Variants in NAALADL2 observed in about 807,000 individuals in gnomAD.
NAALADL2 encodes N-acetylated alpha-linked acidic dipeptidase like 2.
In NAALADL2, 76 loss-of-function variants were observed where a neutral mutation model predicts 87.2. The observed-to-expected ratio is 0.87, with a 90% CI of 0.72 to 1.05. The LOEUF is 1.05. Among genes scored for constraint, NAALADL2 ranks in the 50% least tolerant of loss-of-function variants. The probability of loss-of-function intolerance (pLI) is 0.00; values close to 1 mark genes in which losing one functional copy is unlikely to be tolerated. For missense variants in NAALADL2, 1,089 were observed against 945.8 expected (o/e 1.15, Z -1.99); for synonymous variants, 354 against 331.0 (o/e 1.07, Z -0.75).
intron 2 of NAALADL2, among the ~76,000 whole-genome samples, chr3:174,606,189 C>T (rs748186267): frequency 3.2e-4 from 49 of 152,076 alleles, no homozygotes; most frequent in Admixed American, 2.9e-3. Flanking sequence ...TCATCAAAGA[C>T]CGAAAGTAGA....
chr3:175,148,696 G>C (rs1378642908), intron 2 of NAALADL2, among the ~76,000 whole-genome samples: 1 of 152,050 alleles, frequency 6.6e-6, no homozygotes, highest in Admixed American at 6.6e-5. Flanking sequence ...TTATTAAATC[G>C]GGAGTCCTTT....
chr3:175,144,440 A>G (rs1229286329), intron 2 of NAALADL2, among the ~76,000 whole-genome samples: 1 of 151,946 alleles, frequency 6.6e-6, no homozygotes, highest in South Asian at 2.1e-4. Context: ...AGTTAAGTTG[A>G]GTTTTGTGTT....
intron 11 of NAALADL2, among the ~76,000 whole-genome samples, chr3:175,651,904 G>A (rs1730813629): frequency 6.6e-6 from 1 of 152,158 alleles, no homozygotes; most frequent in Non-Finnish European, 1.5e-5. Flanking sequence ...AAACGAAAAC[G>A]AAAGAAAAGC....
chr3:175,768,269 T>G (rs1434353275), intron 13 of NAALADL2, among the ~76,000 whole-genome samples: 1 of 152,164 alleles, frequency 6.6e-6, no homozygotes, highest in Non-Finnish European at 1.5e-5. Context: ...CACAATACCT[T>G]ATGTAATAAT....
chr3:174,441,438 A>T (rs931475051), intron 1 of NAALADL2, among the ~76,000 whole-genome samples: 1 of 152,076 alleles, frequency 6.6e-6, no homozygotes, highest in African/African-American at 2.4e-5. Context: ...CACGCCGGCC[A>T]GGCAGCCCGA....
At chr3:175,062,980 T>G (rs1713824578) in intron 1 of NAALADL2, among the ~76,000 whole-genome samples, 1 of 152,180 alleles carries the variant, frequency 6.6e-6, no homozygotes, top group East Asian at 1.9e-4. Flanking sequence ...CTAAATAAAT[T>G]TTTTACTTGT....
intron 9 of NAALADL2, among the ~76,000 whole-genome samples, chr3:175,478,927 A>C (rs1726077928): frequency 6.6e-6 from 1 of 151,850 alleles, no homozygotes; most frequent in Admixed American, 6.6e-5. Context: ...TGGGTTAAAA[A>C]CCTATCATTA....
At chr3:175,026,082 A>C (rs145728215) in intron 1 of NAALADL2, among the ~76,000 whole-genome samples, 373 of 152,272 alleles carry the variant, frequency 2.4e-3, no homozygotes, top group African/African-American at 8.3e-3. Context: ...AAATGCTGGA[A>C]TTACAGGCAT....
At chr3:175,383,121 G>A (rs909247842) in intron 5 of NAALADL2, among the ~76,000 whole-genome samples, 3 of 151,924 alleles carry the variant, frequency 2.0e-5, no homozygotes, top group Non-Finnish European at 4.4e-5. Flanking sequence ...AATGTGTAAT[G>A]ATCACATAAG....
intron 9 of NAALADL2, among the ~76,000 whole-genome samples, chr3:175,555,551 A>C (rs1715128289): frequency 6.6e-6 from 1 of 152,212 alleles, no homozygotes; most frequent in Admixed American, 6.5e-5. Flanking sequence ...ACCCAACTGT[A>C]TCACAAGCTC....
chr3:175,786,321 A>G (rs376162391), intron 13 of NAALADL2, among the ~76,000 whole-genome samples: 1 of 152,138 alleles, frequency 6.6e-6, no homozygotes, highest in Non-Finnish European at 1.5e-5. Flanking sequence ...CATTCTCCCC[A>G]TCACTTTCAG....
chr3:175,303,726 T>C (rs1306532539), intron 4 of NAALADL2, among the ~76,000 whole-genome samples: 1 of 152,226 alleles, frequency 6.6e-6, no homozygotes, highest in African/African-American at 2.4e-5. Context: ...AACTAAATAA[T>C]AACCATGATT....
chr3:175,144,480 C>G (rs1420445157), intron 2 of NAALADL2, among the ~76,000 whole-genome samples: 2 of 151,876 alleles, frequency 1.3e-5, no homozygotes, highest in Admixed American at 6.6e-5. Context: ...AAAAGTAATA[C>G]AGTCTAAAGT....
intron 5 of NAALADL2, among the ~76,000 whole-genome samples, chr3:175,338,198 A>G (rs1260323282): frequency 6.6e-6 from 1 of 152,142 alleles, no homozygotes; most frequent in Non-Finnish European, 1.5e-5. Context: ...GAGAGCTGGG[A>G]GTGAAATCGC....
intron 11 of NAALADL2, among the ~76,000 whole-genome samples, chr3:175,691,025 T>C (rs924153972): frequency 2.6e-5 from 4 of 151,788 alleles, no homozygotes; most frequent in African/African-American, 9.7e-5. Flanking sequence ...CCTTTATTAC[T>C]TGTAGTTGAA....
chr3:175,077,943 T>C (rs1716937147), intron 1 of NAALADL2, among the ~76,000 whole-genome samples: 1 of 152,168 alleles, frequency 6.6e-6, no homozygotes, highest in Admixed American at 6.5e-5. Context: ...ACACCATTTT[T>C]GCTCTAGCCT....
intron 2 of NAALADL2, among the ~76,000 whole-genome samples, chr3:174,626,488 T>C (rs893586855): frequency 6.6e-6 from 1 of 152,084 alleles, no homozygotes; most frequent in Non-Finnish European, 1.5e-5. Context: ...CACCTTTTGG[T>C]TTACAAGAGT....
Position 175,467,042 on chromosome 3 carries a change from C to T in NAALADL2, c.1391C>T (p.Ala464Val), listed in dbSNP as rs1458498943. ...TAHSYNGQEW[A>V]SSTAIITAFI... is the part of the protein sequence containing the mutation. Reference sequence around the variant, plus strand: ...CACAGTTATAATGGACAAGAATGGGCCAGTAGTACTGCAATAATCACAGCG... The same window carrying T: ...CACAGTTATAATGGACAAGAATGGGTCAGTAGTACTGCAATAATCACAGCG... The change falls in exon 8 of 14, where the codon GCC (alanine) becomes GTC (valine). Residue 464 changes from alanine to valine, a missense_variant. Transcript: ENST00000454872. 2.5e-6 allele frequency: 4 copies of T among 1,613,698 alleles called. No individual in the cohort carries two copies. The highest frequency in any genetic ancestry group is 3.4e-6 in the Non-Finnish European group (4 of 1,179,734).
intron 13 of NAALADL2, among the ~76,000 whole-genome samples, chr3:175,778,627 A>C (rs115473301): frequency 1.1e-4 from 17 of 152,320 alleles, no homozygotes; most frequent in African/African-American, 4.1e-4. Flanking sequence ...TTTATTGTAT[A>C]TGTCAGACAC....
Sources: allele counts gnomAD v4.1 joint callset (sites outside exome capture counted in the v4.1 genomes callset), GRCh38; gene constraint gnomAD v4.1.1; transcripts MANE v1.5; gene names NCBI Gene and HGNC (gene_info 2026-07-23, HGNC 2026-07-21).